CDKN2B-AS1: variants seen among roughly 807,000 people sequenced by gnomAD.
The protein encoded by CDKN2B-AS1 is CDKN2B antisense RNA 1 (non-protein coding).
At chr9:22,126,574 CTTTT>C (rs34700018) in intron 4 of CDKN2B-AS1, among the ~76,000 whole-genome samples, 42 of 104,882 alleles carry the variant, frequency 4.0e-4, no homozygotes, top group African/African-American at 1.5e-3. Context: ...TAAGTGGATT[CTTTT>C]TTTTTTTTTT....
chr9:22,001,350 G>A lies in CDKN2B-AS1; in HGVS notation n.29+6189G>A, dbSNP rs1296457871. 6.6e-6 allele frequency among the ~76,000 whole-genome samples: 1 copy of A among 152,140 alleles called. No homozygotes were observed. On this transcript the variant is annotated intron_variant and non_coding_transcript_variant, in intron 1 of 4. Coordinates refer to ENST00000650946, the Ensembl canonical transcript of CDKN2B-AS1. This position sits in a 1 kb window ranked among gnomAD's most constrained non-coding sequence, Gnocchi z 4.2. ...TGCCAGGGGCTTCTGAGTGTGAAGT[G>A]GATTAATAGGTGTTTGGGGTCCTTT...
At position 22,001,807 on chromosome 9, in the gene CDKN2B-AS1, A is replaced by G. The variant is rs770595783; in HGVS notation, n.29+6646A>G. On this transcript the variant is annotated intron_variant and non_coding_transcript_variant, in intron 1 of 4. Coordinates refer to ENST00000650946, the Ensembl canonical transcript of CDKN2B-AS1. The surrounding 1 kb of genome is among the most constrained non-coding windows in gnomAD (Gnocchi z 4.2). ...TAGAAACTTTTCAGGTATGAAGGAT[A>G]GTAGTAGAGATGTTACATGAGTTAG... Among the ~76,000 whole-genome samples the G allele has an allele frequency of 6.6e-6, 1 of 152,132 alleles. No individual in the cohort carries two copies. Among genetic ancestry groups the G allele is most frequent in the Non-Finnish European group, 1.5e-5 (1 of 67,958 alleles).
chr9:22,037,679 G>A (rs1424565008), intron 1 of CDKN2B-AS1, among the ~76,000 whole-genome samples: 2 of 151,990 alleles, frequency 1.3e-5, no homozygotes, highest in Non-Finnish European at 2.9e-5. Flanking sequence ...TACAGACTAT[G>A]TCACCACAAA....
chr9:21,996,726 T>C lies in CDKN2B-AS1; in HGVS notation n.29+1565T>C, dbSNP rs1421293918. 6.6e-6 allele frequency among the ~76,000 whole-genome samples: 1 copy of C among 152,190 alleles called. No individual in the cohort carries two copies. Among genetic ancestry groups the C allele is most frequent in the African/African-American group, 2.4e-5 (1 of 41,454 alleles). Reference sequence around the variant, plus strand: ...CTCTGTAGGGGGGCATTAGGTTTTCTGTCCCACAGAGGAAGGGCGCTTTAG... The same window carrying C: ...CTCTGTAGGGGGGCATTAGGTTTTCCGTCCCACAGAGGAAGGGCGCTTTAG... On this transcript the variant is annotated intron_variant and non_coding_transcript_variant, in intron 1 of 4. Coordinates refer to ENST00000650946, the Ensembl canonical transcript of CDKN2B-AS1. The surrounding 1 kb of genome is among the most constrained non-coding windows in gnomAD (Gnocchi z 5.4).
At chr9:22,076,256 G>T (rs1824487261) in intron 4 of CDKN2B-AS1, among the ~76,000 whole-genome samples, 1 of 152,196 alleles carries the variant, frequency 6.6e-6, no homozygotes, top group South Asian at 2.1e-4. Flanking sequence ...GTTTCACCAT[G>T]TTGGCCCGGC....
At chr9:22,008,721 G>A in intron 1 of CDKN2B-AS1, 1 of 1,611,152 alleles carries the variant, frequency 6.2e-7, no homozygotes, top group Non-Finnish European at 8.5e-7. Flanking sequence ...GGCGATCTAG[G>A]TTCCAGCCCC....
chr9:22,064,136 A>C (rs1027350389), intron 4 of CDKN2B-AS1: 2 of 152,220 alleles, frequency 1.3e-5, no homozygotes, highest in African/African-American at 4.8e-5. Flanking sequence ...CCACTAAGAC[A>C]CTGGGTTTTC....
chr9:22,069,305 A>G (rs1217114123), intron 4 of CDKN2B-AS1, among the ~76,000 whole-genome samples: 1 of 151,492 alleles, frequency 6.6e-6, no homozygotes, highest in Non-Finnish European at 1.5e-5. Context: ...TAGCAGGAAT[A>G]TTATGATTAG....
chr9:22,028,313 C>T (rs1274790012), intron 1 of CDKN2B-AS1, among the ~76,000 whole-genome samples: 3 of 152,132 alleles, frequency 2.0e-5, no homozygotes, highest in East Asian at 3.9e-4. Flanking sequence ...TTGTTCATCT[C>T]AGAAAAACCT....
intron 1 of CDKN2B-AS1, among the ~76,000 whole-genome samples, chr9:22,036,540 A>G (rs1174506775): frequency 6.6e-6 from 1 of 152,110 alleles, no homozygotes; most frequent in Non-Finnish European, 1.5e-5. Flanking sequence ...TTATACTTCC[A>G]TGCTAGAGCT....
intron 4 of CDKN2B-AS1, among the ~76,000 whole-genome samples, chr9:22,107,893 C>T (rs764155772): frequency 5.7e-4 from 86 of 152,178 alleles, no homozygotes; most frequent in Non-Finnish European, 8.8e-4. Context: ...TTAGGTAAGG[C>T]ATTCTACATC....
chr9:22,086,268 C>T (rs2131335960), intron 4 of CDKN2B-AS1, among the ~76,000 whole-genome samples: 1 of 152,304 alleles, frequency 6.6e-6, no homozygotes, highest in South Asian at 2.1e-4. Context: ...TCAGATCCTA[C>T]TCAGCCATTT....
At chr9:22,011,239 A>G (rs952478913) in intron 1 of CDKN2B-AS1, among the ~76,000 whole-genome samples, 9 of 152,266 alleles carry the variant, frequency 5.9e-5, no homozygotes, top group South Asian at 2.1e-4. Flanking sequence ...TGGAAGCTCA[A>G]TGAATTTCTT....
chr9:22,037,052 C>A (rs1204918990), intron 1 of CDKN2B-AS1, among the ~76,000 whole-genome samples: 1 of 152,036 alleles, frequency 6.6e-6, no homozygotes, highest in Admixed American at 6.6e-5. Context: ...CTGGTTTCGT[C>A]ACTACGCTGA....
At chr9:21,995,003 C>T (rs1317105422), upstream of CDKN2B-AS1, 1 of 152,292 alleles carries the variant, frequency 6.6e-6, no homozygotes, top group Admixed American at 6.5e-5. The surrounding 1 kb of genome is among the most constrained non-coding windows in gnomAD (Gnocchi z 5.7). Flanking sequence ...AATCAGGAGG[C>T]TGAATGTCAG....
chr9:22,073,277 G>T (rs1173736171), intron 4 of CDKN2B-AS1, among the ~76,000 whole-genome samples: 3 of 151,978 alleles, frequency 2.0e-5, no homozygotes, highest in Non-Finnish European at 4.4e-5. Context: ...TCTCTATAAA[G>T]AACTGTTACT....
intron 4 of CDKN2B-AS1, among the ~76,000 whole-genome samples, chr9:22,121,889 T>C (rs1195155653): frequency 1.3e-5 from 2 of 152,120 alleles, no homozygotes; most frequent in African/African-American, 4.8e-5. Context: ...ATAATGATTT[T>C]CTTTCCTTTG....
chr9:22,103,825 G>T (rs1439737648), intron 4 of CDKN2B-AS1, among the ~76,000 whole-genome samples: 3 of 152,080 alleles, frequency 2.0e-5, no homozygotes, highest in Admixed American at 1.3e-4. Context: ...GGCACATTGG[G>T]GTTTTCTGGC....
intron 4 of CDKN2B-AS1, among the ~76,000 whole-genome samples, chr9:22,061,448 A>G (rs1243543806): frequency 6.6e-6 from 1 of 152,222 alleles, no homozygotes; most frequent in Admixed American, 6.5e-5. Context: ...ATGAAGAAAA[A>G]TATAAAGATC....
Sources: gnomAD v4.1 joint callset for allele counts (sites outside exome capture counted in the v4.1 genomes callset) on GRCh38, gnomAD v4.1.1 for gene constraint, Gnocchi (gnomAD v3.1) non-coding constraint, MANE v1.5 for transcripts, NCBI Gene and HGNC (gene_info 2026-07-23, HGNC 2026-07-21) for gene names.